Variants in ARAF observed in about 807,000 individuals in gnomAD.
The protein encoded by ARAF is serine/threonine-protein kinase A-Raf.
A neutral mutation model predicts 48.0 loss-of-function variants in ARAF; 18 were observed. That is an observed-to-expected ratio of 0.37 (90% confidence interval 0.26 to 0.56). ARAF has a LOEUF of 0.56. Ranked by LOEUF, ARAF falls within the 20% of genes least tolerant of loss-of-function variation. The pLI, the probability that ARAF is intolerant of heterozygous loss-of-function variation, is 0.77. For synonymous variants in ARAF, 207 were observed against 220.1 expected (o/e 0.94, Z 0.53); for missense variants, 389 against 543.1 (o/e 0.72, Z 2.82).
chrX:47,566,964 C>T (rs1282464776), intron 8 of ARAF, 22 bp from the exon 9 acceptor site: 1 of 1,211,790 alleles, frequency 8.3e-7, no homozygotes, highest in South Asian at 1.8e-5. Context: ...TACCTCCACT[C>T]ACATCCTCTC....
chrX:47,571,119 GT>G, intron 15 of ARAF, 107 bp downstream of exon 15: 3 of 931,523 alleles, frequency 3.2e-6, no homozygotes, highest in Non-Finnish European at 4.4e-6. Flanking sequence ...TAGTGTGTGT[GT>G]GTGTGTGTGT....
At position 47,567,063 on chromosome X, in the gene ARAF, T is replaced by G. The variant is rs2057736626; in HGVS notation, c.805T>G (p.Ser269Ala). ...SPASVSSGRK[S>A]PHSKSPAEQR... ...AGCCAGCGTGTCCTCGGGGAGGAAG[T>G]CCCCACATTCCAAGTCACCAGCAGA... is the stretch of plus-strand genomic sequence containing the variant. Residue 269 changes from serine (S) to alanine (A), a missense_variant, in exon 9 of 16, where the codon TCC (serine) becomes GCC (alanine). Ser to Ala is a moderately conservative substitution (Grantham distance 99, BLOSUM62 1). Transcript: ENST00000377045. 1 of 1,210,111 alleles carries G rather than the reference T, an allele frequency of 8.3e-7. No homozygotes were observed. The highest frequency in any genetic ancestry group is 1.7e-5 in the African/African-American group (1 of 57,163).
At chrX:47,563,140 T>C in intron 2 of ARAF, 77 bp downstream of exon 2, 5 of 1,148,555 alleles carry the variant, frequency 4.4e-6, no homozygotes, top group South Asian at 3.8e-5. Context: ...GTGACAACGG[T>C]TGGGGGAGGC....
At chrX:47,563,537 G>A (rs1157274653) in intron 3 of ARAF, among the ~76,000 whole-genome samples, 5 of 112,046 alleles carry the variant, frequency 4.5e-5, no homozygotes, top group Non-Finnish European at 9.4e-5. Context: ...GCTATCAGTC[G>A]GAACATGTTT....
intron 10 of ARAF, among the ~76,000 whole-genome samples, 190 bp from the exon 11 acceptor site, chrX:47,568,528 A>G (rs976796871): frequency 9.0e-6 from 1 of 111,202 alleles, no homozygotes; most frequent in African/African-American, 3.3e-5. Context: ...CCCACAGCAC[A>G]GAATCATAGC....
intron 9 of ARAF, 46 bp from the exon 10 acceptor site, chrX:47,567,184 G>A (rs2057737339): frequency 8.3e-7 from 1 of 1,208,467 alleles, no homozygotes; most frequent in Non-Finnish European, 1.1e-6. Context: ...GACGTGGGAT[G>A]AGGGATGTGG....
At chrX:47,565,166 G>T (rs200542934) in intron 5 of ARAF, 27 bp downstream of exon 5, 1 of 1,209,374 alleles carries the variant, frequency 8.3e-7, no homozygotes. Context: ...GTGGGTGGGG[G>T]GATGGGGAGC....
intron 1 of ARAF, among the ~76,000 whole-genome samples, chrX:47,561,978 C>CA (rs2057711110): frequency 2.0e-5 from 2 of 99,284 alleles, no homozygotes; most frequent in African/African-American, 7.3e-5. Context: ...GACCCCCCCC[C>CA]CCCATGAATT....
chrX:47,571,105 GGTATAGTGTGTGTGT>G (rs2057754084), intron 15 of ARAF, 93 bp downstream of exon 15: 16 of 1,040,635 alleles, frequency 1.5e-5, no homozygotes, highest in South Asian at 1.1e-4. Flanking sequence ...AAAGCTCAGA[GGTATAGTGTGTGTGT>G]GTGTGTGTGT....
intron 3 of ARAF, 102 bp from the exon 4 acceptor site, chrX:47,564,695 A>C (rs1164361337): frequency 1.6e-6 from 1 of 619,681 alleles, no homozygotes; most frequent in Non-Finnish European, 2.6e-6. Flanking sequence ...CATGCCAGAC[A>C]TGACCCTGTG....
chrX:47,566,417 A>T (rs1199876115), intron 6 of ARAF, among the ~76,000 whole-genome samples: 1 of 112,443 alleles, frequency 8.9e-6, no homozygotes, highest in Admixed American at 9.4e-5. Context: ...CCACCAGGGC[A>T]AGAACTGTTA....
At chrX:47,570,626 A>G (rs1002603457) in intron 14 of ARAF, among the ~76,000 whole-genome samples, 1 of 110,499 alleles carries the variant, frequency 9.0e-6, no homozygotes, top group Non-Finnish European at 1.9e-5. Flanking sequence ...TAAGCCTCCT[A>G]GAAACCCGTG....
At position 47,571,492 on chromosome X, in the gene ARAF, C is replaced by T. The variant is rs2057758177; in HGVS notation, c.*35C>T. ...AAGCCACCAGGGAGCCAATCTCAGC[C>T]CTCCACGCCAAGGAGCCTTGCCCAC... On this transcript the variant is annotated 3_prime_UTR_variant, in exon 16 of 16. Coordinates refer to ENST00000377045, the MANE Select transcript of ARAF (RefSeq NM_001654.5). 6.8e-6 allele frequency: 8 copies of T among 1,182,771 alleles called. No individual in the cohort carries two copies. Among genetic ancestry groups the T allele is most frequent in the Admixed American group, 4.7e-5 (2 of 42,825 alleles).
intron 10 of ARAF, 68 bp from the exon 11 acceptor site, chrX:47,568,650 C>T (rs1369781851): frequency 3.3e-5 from 37 of 1,109,396 alleles, no homozygotes; most frequent in Non-Finnish European, 4.5e-5. Context: ...AGTGCCACTC[C>T]TGATGCTCGG....
chrX:47,569,705 G>A (rs762249776), intron 13 of ARAF, 48 bp downstream of exon 13: 21 of 1,153,999 alleles, frequency 1.8e-5, no homozygotes, highest in African/African-American at 1.3e-4. Context: ...CGTGGGCTCC[G>A]GGATTGGGGT....
At chrX:47,571,129 G>C in intron 15 of ARAF, 117 bp downstream of exon 15, 1 of 978,497 alleles carries the variant, frequency 1.0e-6, no homozygotes, top group Middle Eastern at 3.3e-4. Context: ...GTGTGTGTGT[G>C]TGTGTGTGTG....
chrX:47,565,455 T>C, intron 6 of ARAF, 105 bp downstream of exon 6: 1 of 1,104,049 alleles, frequency 9.1e-7, no homozygotes, highest in Non-Finnish European at 1.2e-6. Flanking sequence ...CAAACATTTA[T>C]TGAGCACCTA....
chrX:47,570,012 C>T lies in ARAF; in HGVS notation c.1539C>T (p.Gly513=), dbSNP rs1324337972. ...MTGSLPYSHI[G]CRDQIIFMVG... ...GCTCACTGCCTTACAGCCACATTGG[C>T]TGCCGTGACCAGGTGAGCCCCACAC... Residue 513 remains glycine (G), a synonymous_variant, in exon 14 of 16, where the codon GGC becomes GGT. Transcript: ENST00000377045. 8.3e-7 allele frequency: 1 copy of T among 1,206,067 alleles called. No homozygotes were observed. Among genetic ancestry groups the T allele is most frequent in the South Asian group, 1.8e-5 (1 of 56,240 alleles).
At chrX:47,567,497 G>A (rs915148208) in intron 10 of ARAF, 65 bp downstream of exon 10, 2 of 1,096,116 alleles carry the variant, frequency 1.8e-6, no homozygotes, top group Non-Finnish European at 2.5e-6. Flanking sequence ...CTGGGAAAAG[G>A]CCATGCTTGG....
Sources: gnomAD v4.1 joint callset for allele counts (sites outside exome capture counted in the v4.1 genomes callset) on GRCh38, gnomAD v4.1.1 for gene constraint, MANE v1.5 for transcripts, NCBI Gene and HGNC (gene_info 2026-07-23, HGNC 2026-07-21) for gene names.